The following ANO4 variants were observed in gnomAD, a reference collection of about 807,000 sequenced individuals.
The protein encoded by ANO4 is anoctamin 4, also known as anoctamin-4.
ANO4 carries 69 observed loss-of-function variants against 141.9 expected under a neutral mutation model. That is an observed-to-expected ratio of 0.49 (90% CI 0.40 to 0.59). The LOEUF (loss-of-function observed/expected upper bound fraction) is 0.59. Among genes scored for constraint, ANO4 ranks in the 20% least tolerant of loss-of-function variants. ANO4 has a pLI of 0.00. For synonymous variants in ANO4, 350 were observed against 394.3 expected (o/e 0.89, Z 1.33); for missense variants, 894 against 1,162.2 (o/e 0.77, Z 3.36).
intron 4 of ANO4, among the ~76,000 whole-genome samples, 193 bp from the exon 5 acceptor site, chr12:100,942,184 T>G (rs1284078315): frequency 1.3e-5 from 2 of 152,138 alleles, no homozygotes; most frequent in African/African-American, 4.8e-5. Flanking sequence ...TTTCACCATA[T>G]TGGCCAGGCT....
chr12:100,795,250 A>AG (rs2034235020), intron 1 of ANO4, among the ~76,000 whole-genome samples: 7 of 149,980 alleles, frequency 4.7e-5, no homozygotes, highest in African/African-American at 1.8e-4. Context: ...TGTGATACGA[A>AG]TATAAGTGCT....
chr12:100,868,985 C>T (rs1259149101), intron 1 of ANO4, among the ~76,000 whole-genome samples: 1 of 152,224 alleles, frequency 6.6e-6, no homozygotes, highest in Non-Finnish European at 1.5e-5. Context: ...CTGTAGTTTG[C>T]CAACCCCCTT....
At chr12:100,930,567 C>T (rs2042051047) in intron 3 of ANO4, among the ~76,000 whole-genome samples, 1 of 151,086 alleles carries the variant, frequency 6.6e-6, no homozygotes, top group African/African-American at 2.4e-5. Context: ...CAGTTCCATA[C>T]AGAAATTAGT....
chr12:100,915,821 C>T (rs1027813116), intron 2 of ANO4, among the ~76,000 whole-genome samples: 3 of 152,070 alleles, frequency 2.0e-5, no homozygotes, highest in Admixed American at 1.3e-4. Context: ...TTTAATGAGT[C>T]AAGGTCACAT....
chr12:100,919,207 A>G (rs541708901), intron 2 of ANO4, among the ~76,000 whole-genome samples: 2 of 152,292 alleles, frequency 1.3e-5, no homozygotes, highest in Non-Finnish European at 2.9e-5. Flanking sequence ...TTTATTATTG[A>G]AGAAAGAAAC....
intron 3 of ANO4, among the ~76,000 whole-genome samples, chr12:100,937,057 A>G (rs914927374): frequency 6.6e-6 from 1 of 152,202 alleles, no homozygotes; most frequent in Non-Finnish European, 1.5e-5. Context: ...ACATTACTTG[A>G]AACCATGGAA....
At chr12:101,016,820 CACTT>C (rs2046334556) in intron 8 of ANO4, among the ~76,000 whole-genome samples, 1 of 152,194 alleles carries the variant, frequency 6.6e-6, no homozygotes. Context: ...CGTGTCATCT[CACTT>C]AATTGTACAA....
Position 101,042,371 on chromosome 12 carries a change from T to C in ANO4, c.1057T>C (p.Trp353Arg). 6.2e-7 allele frequency: 1 copy of C among 1,614,184 alleles called. No homozygotes were observed. Among genetic ancestry groups the C allele is most frequent in the Non-Finnish European group, 8.5e-7 (1 of 1,180,014 alleles). The change falls in exon 12 of 28, where the codon TGG (tryptophan) becomes CGG (arginine). Residue 353 changes from tryptophan to arginine, a missense_variant. By Grantham distance (101) the Trp-to-Arg change is moderately radical (BLOSUM62 -3). Transcript: ENST00000392977. The stretch of plus-strand genomic sequence containing the variant: ...AGAGAAGATTGGGTTATATTTTGCC[T>C]GGTTGGGCTGGTACACCGGCATGCT... ...FGEKIGLYFA[W>R]LGWYTGMLFP...
At chr12:100,853,634 T>C (rs914199851) in intron 1 of ANO4, among the ~76,000 whole-genome samples, 2 of 152,132 alleles carry the variant, frequency 1.3e-5, no homozygotes, top group Non-Finnish European at 2.9e-5. Context: ...CCCCATTTTT[T>C]TCCTGTTCAG....
At chr12:100,772,234 C>A (rs2033330019) in intron 3 of ANO4, among the ~76,000 whole-genome samples, 1 of 152,152 alleles carries the variant, frequency 6.6e-6, no homozygotes, top group African/African-American at 2.4e-5. Flanking sequence ...CAGCTGTCTT[C>A]AGATATGTGA....
chr12:100,877,991 C>G (rs937568824), intron 1 of ANO4, among the ~76,000 whole-genome samples: 1 of 152,118 alleles, frequency 6.6e-6, no homozygotes, highest in Non-Finnish European at 1.5e-5. Context: ...TAGTGGCGAG[C>G]AGGTGAATAA....
chr12:101,059,029 A>G (rs760279953), intron 14 of ANO4, among the ~76,000 whole-genome samples: 22 of 152,202 alleles, frequency 1.4e-4, no homozygotes, highest in African/African-American at 4.8e-4. Flanking sequence ...ATATTGAGAT[A>G]CATTCCATCA....
rs533401669 is a variant in ANO4 at position 100,900,291 on chromosome 12, A to G, written c.-140-1355A>G. ...ACCCTCCCTCCTTCTTTCTCTTTTTATTTACTTACTTATTTATTTATTTTT... is the reference window on the plus strand; with the variant it reads ...ACCCTCCCTCCTTCTTTCTCTTTTTGTTTACTTACTTATTTATTTATTTTT... On this transcript the variant is annotated intron_variant, in intron 1 of 27. Transcript: ENST00000392977. Among the ~76,000 whole-genome samples, 469 of 134,296 alleles carry G rather than the reference A, an allele frequency of 3.5e-3. 5 individuals carry two copies. Among genetic ancestry groups the G allele is most frequent in the African/African-American group, 0.012 (418 of 35,662 alleles). The allele number at this position is 134,296 out of a possible 152,430, so 88.1% of individuals were successfully genotyped here. A position where few individuals can be genotyped will look rare whatever the true frequency, so the allele number is the denominator to read the frequency against.
intron 3 of ANO4, among the ~76,000 whole-genome samples, chr12:100,767,346 C>G (rs1172486716): frequency 1.3e-5 from 2 of 152,090 alleles, no homozygotes; most frequent in Non-Finnish European, 2.9e-5. Context: ...TACTTTGATT[C>G]CTTTTTTCAT....
intron 3 of ANO4, among the ~76,000 whole-genome samples, chr12:100,765,795 G>A (rs1348932565): frequency 6.7e-6 from 1 of 150,068 alleles, no homozygotes; most frequent in African/African-American, 2.4e-5. Context: ...ACAATGTGAT[G>A]TTTTGATATA....
At chr12:100,866,364 A>G (rs1312528592) in intron 1 of ANO4, among the ~76,000 whole-genome samples, 1 of 152,180 alleles carries the variant, frequency 6.6e-6, no homozygotes, top group African/African-American at 2.4e-5. Context: ...TACTCTCACC[A>G]TGACTCCACG....
chr12:100,768,462 G>A (rs1372029682), intron 3 of ANO4, among the ~76,000 whole-genome samples: 2 of 152,076 alleles, frequency 1.3e-5, no homozygotes, highest in African/African-American at 4.8e-5. Context: ...TTCTTTGGGG[G>A]GACCAGCACT....
At chr12:100,756,045 A>G (rs1013732968) in intron 3 of ANO4, among the ~76,000 whole-genome samples, 2 of 152,084 alleles carry the variant, frequency 1.3e-5, no homozygotes, top group African/African-American at 2.4e-5. Flanking sequence ...CATTATTTTA[A>G]TTACGTTTAT....
At chr12:101,016,902 T>C (rs1172596086) in intron 8 of ANO4, among the ~76,000 whole-genome samples, 1 of 152,158 alleles carries the variant, frequency 6.6e-6, no homozygotes. Flanking sequence ...CCCAGAAAAG[T>C]TGAGGGATAG....
Sources: gnomAD v4.1 joint callset for allele counts (sites outside exome capture counted in the v4.1 genomes callset) on GRCh38, gnomAD v4.1.1 for gene constraint, MANE v1.5 for transcripts, NCBI Gene and HGNC (gene_info 2026-07-23, HGNC 2026-07-21) for gene names.